Variants in KCNIP1 observed in about 807,000 individuals in gnomAD.
The protein encoded by KCNIP1 is potassium voltage-gated channel interacting protein 1, also known as A-type potassium channel modulatory protein KCNIP1.
KCNIP1 carries 18 observed loss-of-function variants against 33.0 expected under a neutral mutation model. The ratio of observed to expected loss-of-function variants is 0.55; its 90% CI spans 0.38 to 0.81. KCNIP1 has a LOEUF of 0.81. Ranked by LOEUF, KCNIP1 falls within the 30% of genes least tolerant of loss-of-function variation. KCNIP1 has a pLI of 0.00. For synonymous variants in KCNIP1, 93 were observed against 98.3 expected, an observed-to-expected ratio of 0.95 and a Z score of 0.32; for missense variants, 238 against 271.6, an observed-to-expected ratio of 0.88 and a Z score of 0.87.
At chr5:170,511,565 G>T (rs1754931208) in intron 1 of KCNIP1, among the ~76,000 whole-genome samples, 1 of 152,190 alleles carries the variant, frequency 6.6e-6, no homozygotes, top group African/African-American at 2.4e-5. Flanking sequence ...CAACAGTGAG[G>T]TATGAAAATG....
At chr5:170,494,906 G>A (rs1329913646) in intron 1 of KCNIP1, among the ~76,000 whole-genome samples, 1 of 152,172 alleles carries the variant, frequency 6.6e-6, no homozygotes, top group Admixed American at 6.5e-5. Flanking sequence ...ATTACACCAT[G>A]CCTCTGAACT....
At chr5:170,571,130 T>G (rs1054171915) in intron 1 of KCNIP1, among the ~76,000 whole-genome samples, 3 of 152,192 alleles carry the variant, frequency 2.0e-5, no homozygotes, top group African/African-American at 7.2e-5. Flanking sequence ...TCCCCTGCTG[T>G]CCTTCTCCAG....
At chr5:170,646,604 G>A (rs557570798) in intron 1 of KCNIP1, among the ~76,000 whole-genome samples, 6 of 152,048 alleles carry the variant, frequency 3.9e-5, no homozygotes, top group Non-Finnish European at 7.4e-5. Flanking sequence ...CCTTGATAAA[G>A]AACATCTACA....
At chr5:170,722,325 G>A (rs1763853738) in intron 4 of KCNIP1, among the ~76,000 whole-genome samples, 1 of 152,124 alleles carries the variant, frequency 6.6e-6, no homozygotes, top group Non-Finnish European at 1.5e-5. Context: ...AATGATAAAG[G>A]ATGGATTTGA....
chr5:170,566,555 C>T (rs1757211355), intron 1 of KCNIP1, among the ~76,000 whole-genome samples: 1 of 152,218 alleles, frequency 6.6e-6, no homozygotes, highest in Non-Finnish European at 1.5e-5. Flanking sequence ...TGCTTTCCCC[C>T]ACACACCATG....
At chr5:170,722,611 A>G in intron 4 of KCNIP1, 102 bp from the exon 5 acceptor site, 1 of 795,896 alleles carries the variant, frequency 1.3e-6, no homozygotes, top group Non-Finnish European at 2.2e-6. Context: ...AGGACGCAGG[A>G]GGCACCATTC....
At chr5:170,486,172 C>G (rs900931388) in intron 1 of KCNIP1, 1 of 152,166 alleles carries the variant, frequency 6.6e-6, no homozygotes, top group Non-Finnish European at 1.5e-5. Flanking sequence ...AGCTCTGTTC[C>G]CTGGTGACAG....
intron 1 of KCNIP1, among the ~76,000 whole-genome samples, chr5:170,387,960 C>T (rs1764545102): frequency 6.6e-6 from 1 of 152,350 alleles, no homozygotes; most frequent in Non-Finnish European, 1.5e-5. Flanking sequence ...CCATTTCTCT[C>T]CTGGGGGAAC....
chr5:170,606,874 C>A (rs1431190338), intron 1 of KCNIP1, among the ~76,000 whole-genome samples: 1 of 152,322 alleles, frequency 6.6e-6, no homozygotes, highest in South Asian at 2.1e-4. Flanking sequence ...TCCACCGAAG[C>A]ACTACTTTGT....
At chr5:170,662,909 T>C (rs979383775) in intron 1 of KCNIP1, among the ~76,000 whole-genome samples, 2 of 152,236 alleles carry the variant, frequency 1.3e-5, no homozygotes, top group Non-Finnish European at 2.9e-5. Context: ...GACTGGACTT[T>C]GGAAAGCCAA....
At chr5:170,387,155 T>C (rs892569758) in intron 1 of KCNIP1, among the ~76,000 whole-genome samples, 6 of 152,210 alleles carry the variant, frequency 3.9e-5, no homozygotes, top group Admixed American at 3.3e-4. Flanking sequence ...CAGGAAGCTA[T>C]CAATGTAATC....
intron 1 of KCNIP1, among the ~76,000 whole-genome samples, chr5:170,616,276 T>A (rs537058153): frequency 6.6e-6 from 1 of 151,048 alleles, no homozygotes; most frequent in Non-Finnish European, 1.5e-5. Context: ...CTTCATTTAT[T>A]TATTTAGTCA....
chr5:170,366,207 A>G (rs951919699), intron 1 of KCNIP1, among the ~76,000 whole-genome samples: 33 of 152,330 alleles, frequency 2.2e-4, no homozygotes, highest in African/African-American at 7.7e-4. Context: ...AATCTCCTGT[A>G]CACTCCTGCC....
intron 1 of KCNIP1, among the ~76,000 whole-genome samples, chr5:170,366,181 T>C (rs1029882422): frequency 6.6e-6 from 1 of 152,256 alleles, no homozygotes; most frequent in African/African-American, 2.4e-5. Flanking sequence ...AAGCTCTTCA[T>C]GTCCAGAACC....
At chr5:170,426,338 C>T (rs1755614987) in intron 1 of KCNIP1, among the ~76,000 whole-genome samples, 1 of 152,176 alleles carries the variant, frequency 6.6e-6, no homozygotes, top group African/African-American at 2.4e-5. Context: ...TGCTCTGTTC[C>T]AGACAAACCC....
intron 1 of KCNIP1, among the ~76,000 whole-genome samples, chr5:170,698,645 C>T (rs1463845894): frequency 6.6e-6 from 1 of 152,196 alleles, no homozygotes; most frequent in Non-Finnish European, 1.5e-5. Flanking sequence ...ACCACCCCAC[C>T]CCACTCACCA....
At chr5:170,706,956 G>T (rs2113847026) in intron 1 of KCNIP1, among the ~76,000 whole-genome samples, 2 of 152,104 alleles carry the variant, frequency 1.3e-5, no homozygotes, top group East Asian at 3.9e-4. Flanking sequence ...TCATTTACTG[G>T]CTATCTCCAT....
chr5:170,480,839 A>T (rs1253058073), intron 1 of KCNIP1, among the ~76,000 whole-genome samples: 7 of 152,244 alleles, frequency 4.6e-5, no homozygotes, highest in African/African-American at 1.7e-4. Context: ...ACATGTTACC[A>T]AGCATGACTA....
At position 170,627,943 on chromosome 5, in the gene KCNIP1, A is replaced by G. The variant is rs547154509; in HGVS notation, c.62-90815A>G. Among the ~76,000 whole-genome samples the G allele has an allele frequency of 9.9e-5, 15 of 152,274 alleles. No individual in the cohort carries two copies. The South Asian group carries it at 2.9e-3, about 29-fold the overall frequency. ...GACCTCTCTCTCTAGTAAATGTCAAAACTTTTAACCAAAATGCCTTCATCC... is the reference window on the plus strand; with the variant it reads ...GACCTCTCTCTCTAGTAAATGTCAAGACTTTTAACCAAAATGCCTTCATCC... On this transcript the variant is annotated intron_variant, in intron 1 of 7. Transcript: ENST00000328939.
Sources: allele counts gnomAD v4.1 joint callset (sites outside exome capture counted in the v4.1 genomes callset), GRCh38; gene constraint gnomAD v4.1.1; transcripts MANE v1.5; gene names NCBI Gene and HGNC (gene_info 2026-07-23, HGNC 2026-07-21).